EYA1: variants seen among roughly 807,000 people sequenced by gnomAD.
EYA1 encodes EYA transcriptional coactivator and phosphatase 1.
EYA1 carries 16 observed loss-of-function variants against 82.0 expected under a neutral mutation model. That is an observed-to-expected ratio of 0.20 (90% CI 0.13 to 0.30). EYA1 has a LOEUF of 0.30. Ranked by LOEUF, EYA1 falls within the 10% of genes least tolerant of loss-of-function variation. The probability of loss-of-function intolerance (pLI) is 1.00; values close to 1 mark genes in which losing one functional copy is unlikely to be tolerated. For synonymous variants in EYA1, 261 were observed against 264.4 expected (o/e 0.99, Z 0.12); for missense variants, 633 against 730.7 (o/e 0.87, Z 1.54).
chr8:71,206,660 C>G (rs1349455328), intron 17 of EYA1, among the ~76,000 whole-genome samples: 1 of 151,788 alleles, frequency 6.6e-6, no homozygotes, highest in African/African-American at 2.4e-5. Flanking sequence ...TAAAATAGGT[C>G]TAAGGATTCC....
In EYA1 at chr8:71,526,669, A is replaced by C. The variant is rs192077591; in HGVS notation, c.33+9075T>G. 6.6e-5 allele frequency among the ~76,000 whole-genome samples: 10 copies of C among 152,332 alleles called. No individual in the cohort carries two copies. In the East Asian group the frequency reaches 1.7e-3, roughly 26 times the overall value. Reference sequence around the variant, plus strand: ...AGGGATGCCTGAGTGCCCTTGCAACATAGCAGCTGGCTTCCTCCAGAGTGA... The same window carrying C: ...AGGGATGCCTGAGTGCCCTTGCAACCTAGCAGCTGGCTTCCTCCAGAGTGA... On this transcript the variant is annotated intron_variant, in intron 2 of 18. Coordinates refer to the EYA1 transcript ENST00000643681.
intron 11 of EYA1, among the ~76,000 whole-genome samples, chr8:71,255,400 T>C (rs1586025240): frequency 6.6e-6 from 1 of 152,196 alleles, no homozygotes; most frequent in East Asian, 1.9e-4. Flanking sequence ...AATACAGATG[T>C]ACAGACCAAT....
At chr8:71,369,011 ACT>A (rs1344632370) in intron 2 of EYA1, among the ~76,000 whole-genome samples, 64 of 142,056 alleles carry the variant, frequency 4.5e-4, no homozygotes, top group African/African-American at 1.4e-3. Context: ...ACATTGTGAA[ACT>A]CTGTCTCTAC....
intron 10 of EYA1, 57 bp from the exon 11 acceptor site, chr8:71,269,880 C>A (rs1332422331): frequency 7.6e-7 from 1 of 1,320,274 alleles, no homozygotes; most frequent in Non-Finnish European, 1.1e-6. Flanking sequence ...AGCTGTTATT[C>A]AGTTAACTTC....
Position 71,303,876 on chromosome 8 carries a change from G to A in EYA1, c.557-4156C>T, listed in dbSNP as rs567089887. ...ATGATCATTCCCATTTTGCAGATAA[G>A]GAAACGGAGGGTCAGGTTACAGTAA... On this transcript the variant is annotated intron_variant, in intron 7 of 17. Transcript: ENST00000340726. 2.1e-5 allele frequency among the ~76,000 whole-genome samples: 3 copies of A among 142,224 alleles called. 1 individual carries two copies. The South Asian group carries it at 6.9e-4, about 33-fold the overall frequency. 93.3% of individuals were successfully genotyped at this position (142,224 alleles called of 152,430 possible).
intron 11 of EYA1, among the ~76,000 whole-genome samples, chr8:71,252,716 A>T (rs1298735544): frequency 6.6e-6 from 1 of 152,220 alleles, no homozygotes; most frequent in Non-Finnish European, 1.5e-5. Context: ...AACTAAGAGG[A>T]AGGTAGGATC....
intron 17 of EYA1, among the ~76,000 whole-genome samples, chr8:71,209,347 G>A (rs745777261): frequency 6.6e-6 from 1 of 152,214 alleles, no homozygotes; most frequent in Non-Finnish European, 1.5e-5. Flanking sequence ...ACTAGTGGTT[G>A]GTCGTCGGTG....
chr8:71,406,666 T>A (rs7842257), intron 2 of EYA1, among the ~76,000 whole-genome samples: 3 of 152,110 alleles, frequency 2.0e-5, no homozygotes, highest in African/African-American at 7.2e-5. Flanking sequence ...CTTTTCAGAC[T>A]GGCTTAAAAA....
At chr8:71,517,722 T>TATATAG (rs368930636) in intron 2 of EYA1, among the ~76,000 whole-genome samples, 4,236 of 148,518 alleles carry the variant, frequency 0.029, 213 homozygotes, top group African/African-American at 0.098. Flanking sequence ...TATATATATA[T>TATATAG]ATATAACTGT....
At chr8:71,541,237 G>A (rs150990331) in intron 1 of EYA1, among the ~76,000 whole-genome samples, 328 of 152,310 alleles carry the variant, frequency 2.2e-3, no homozygotes, top group African/African-American at 7.5e-3. Flanking sequence ...AAACAAGTTG[G>A]TCTCTACCTT....
chr8:71,470,522 T>TA (rs1430570151), intron 2 of EYA1, among the ~76,000 whole-genome samples: 1 of 152,034 alleles, frequency 6.6e-6, no homozygotes. Flanking sequence ...AAAGTAATGG[T>TA]AAAAACCGCA....
chr8:71,241,864 A>T (rs1812516898), intron 12 of EYA1, among the ~76,000 whole-genome samples: 1 of 151,906 alleles, frequency 6.6e-6, no homozygotes, highest in African/African-American at 2.4e-5. Flanking sequence ...TGAAGAAAAC[A>T]TATTTGCAAT....
At chr8:71,387,115 G>A (rs926842312) in intron 2 of EYA1, among the ~76,000 whole-genome samples, 2 of 152,156 alleles carry the variant, frequency 1.3e-5, no homozygotes, top group Non-Finnish European at 2.9e-5. Context: ...TGATGCGATC[G>A]ACTTCTGTAA....
At chr8:71,296,066 T>G (rs952904437) in intron 9 of EYA1, among the ~76,000 whole-genome samples, 1 of 152,206 alleles carries the variant, frequency 6.6e-6, no homozygotes, top group Non-Finnish European at 1.5e-5. Context: ...TATGTGAATT[T>G]TTTTAATTAA....
intron 2 of EYA1, among the ~76,000 whole-genome samples, chr8:71,492,549 C>T (rs1174929756): frequency 1.3e-5 from 2 of 151,512 alleles, no homozygotes; most frequent in Admixed American, 1.3e-4. Flanking sequence ...ACTGCAAGCT[C>T]CGCCTCCCGG....
At chr8:71,321,539 C>G (rs1396934166) in intron 6 of EYA1, among the ~76,000 whole-genome samples, 195 bp downstream of exon 6, 1 of 152,182 alleles carries the variant, frequency 6.6e-6, no homozygotes, top group Admixed American at 6.5e-5. Context: ...AATCTTTTCG[C>G]TACCTCTGAC....
In EYA1 at chr8:71,361,682, G is replaced by A. The variant is rs976127254; in HGVS notation, c.-90C>T. ...TCTGCTGCATCCACCAGTTTAATGT[G>A]TTCCTTCGAATTTTCTGGGTTAGCA... On this transcript the variant is annotated 5_prime_UTR_variant, in exon 1 of 18. Transcript: ENST00000340726. 4 of 985,394 alleles carry A rather than the reference G, an allele frequency of 4.1e-6. No individual in the cohort carries two copies. Among genetic ancestry groups the A allele is most frequent in the African/African-American group, 1.7e-5 (1 of 57,248 alleles). The allele number at this position is 985,394 out of a possible 1,614,324, so 61.0% of individuals were successfully genotyped here.
At chr8:71,277,939 ATAAT>A (rs933595108) in intron 9 of EYA1, among the ~76,000 whole-genome samples, 2 of 152,242 alleles carry the variant, frequency 1.3e-5, no homozygotes, top group African/African-American at 2.4e-5. Context: ...TCCACATAAG[ATAAT>A]TAAATTTTTA....
At chr8:71,207,980 T>C (rs1181463431) in intron 17 of EYA1, among the ~76,000 whole-genome samples, 2 of 152,242 alleles carry the variant, frequency 1.3e-5, no homozygotes, top group Non-Finnish European at 2.9e-5. Flanking sequence ...CCTACTGTTA[T>C]CACCAACATT....
Sources: gnomAD v4.1 joint callset for allele counts (sites outside exome capture counted in the v4.1 genomes callset) on GRCh38, gnomAD v4.1.1 for gene constraint, MANE v1.5 for transcripts, NCBI Gene and HGNC (gene_info 2026-07-23, HGNC 2026-07-21) for gene names.